Variants in TRRAP observed in about 807,000 individuals in gnomAD.
The protein encoded by TRRAP is transformation/transcription domain associated protein, also known as transformation/transcription domain-associated protein.
In TRRAP, 41 loss-of-function variants were observed where a neutral mutation model predicts 438.8. The ratio of observed to expected loss-of-function variants is 0.09; its 90% CI spans 0.07 to 0.12. The LOEUF is 0.12. TRRAP is among the 10% of genes least tolerant of loss of function. The pLI, the probability that TRRAP is intolerant of heterozygous loss-of-function variation, is 1.00. For synonymous variants in TRRAP, 1,994 were observed against 1,962.9 expected (o/e 1.02, Z -0.42); for missense variants, 3,122 against 5,055.1 (o/e 0.62, Z 11.60).
At position 98,967,101 on chromosome 7, in the gene TRRAP, C is replaced by G; in HGVS notation, c.7237C>G (p.Arg2413Gly). The stretch of plus-strand genomic sequence containing the variant: ...GAAGATGATGACTTACATAGAAAAA[C>G]GCTTTCCGGAAGACCTTGAATTAAA... Reference protein sequence around the residue: ...LVKMMTYIEKRFPEDLELNAQ... With the variant: ...LVKMMTYIEKGFPEDLELNAQ... The change falls in exon 50 of 73, where the codon CGC becomes GGC. Residue 2413 changes from arginine (R) to glycine (G), a missense_variant. Coordinates refer to ENST00000456197, the MANE Select transcript of TRRAP (RefSeq NM_001375524.1). The G allele has an allele frequency of 6.2e-7, 1 of 1,614,006 alleles. No individual in the cohort carries two copies. The highest frequency in any genetic ancestry group is 8.5e-7 in the Non-Finnish European group (1 of 1,179,918).
intron 31 of TRRAP, 142 bp from the exon 32 acceptor site, chr7:98,945,605 T>C: frequency 1.1e-6 from 1 of 904,264 alleles, no homozygotes; most frequent in Non-Finnish European, 1.6e-6. Flanking sequence ...GTTGAGCATT[T>C]GTTAATTACT....
chr7:98,917,710 G>A, intron 20 of TRRAP, 31 bp downstream of exon 20: 1 of 1,604,182 alleles, frequency 6.2e-7, no homozygotes, highest in South Asian at 1.1e-5. Context: ...TTAGCTGGCT[G>A]CTTCCCTGGA....
intron 53 of TRRAP, among the ~76,000 whole-genome samples, chr7:98,975,272 T>G (rs1276039025): frequency 2.0e-5 from 3 of 152,230 alleles, no homozygotes; most frequent in African/African-American, 7.2e-5. Context: ...TGCCCATGGT[T>G]TCCCCCTTGG....
At position 98,978,388 on chromosome 7, in the gene TRRAP, AC is replaced by A. The variant is rs1403880764; in HGVS notation, c.8498+67del. The stretch of plus-strand genomic sequence containing the variant: ...TAAGGGAACCAGGGAAAAATCTCTG[AC>A]CTTTTCTTGTAATGAGCGTTTTTTA... On this transcript the variant is annotated intron_variant, in intron 57 of 72. Transcript: ENST00000456197. The A allele has an allele frequency of 1.7e-5, 25 of 1,433,728 alleles. No homozygotes were observed. The Admixed American group carries it at 2.2e-4, about 12-fold the overall frequency. The allele number at this position is 1,433,728 out of a possible 1,614,324, so 88.8% of individuals were successfully genotyped here.
At chr7:98,922,119 C>T (rs1332527799) in intron 21 of TRRAP, among the ~76,000 whole-genome samples, 166 bp downstream of exon 21, 1 of 152,128 alleles carries the variant, frequency 6.6e-6, no homozygotes, top group East Asian at 1.9e-4. Flanking sequence ...TGCCAGGAGA[C>T]CAGTGGAGGG....
At position 99,011,812 on chromosome 7, in the gene TRRAP, A is replaced by G. The variant is rs190341882; in HGVS notation, c.11338-259A>G. Among the ~76,000 whole-genome samples the G allele has an allele frequency of 1.4e-4, 21 of 152,364 alleles. No individual in the cohort carries two copies. The highest frequency in any genetic ancestry group is 2.8e-4 in the Non-Finnish European group (19 of 68,044). On this transcript the variant is annotated intron_variant, in intron 72 of 72. Coordinates refer to ENST00000456197, the MANE Select transcript of TRRAP (RefSeq NM_001375524.1). The surrounding 1 kb of genome is among the most constrained non-coding windows in gnomAD (Gnocchi z 7.1). ...AAACAGATTGGGCCTCAGTCGCAGC[A>G]TGGCTGCCTTTGTCATCTAGGTCCG...
rs904892331 is a variant in TRRAP at position 98,967,625 on chromosome 7, G to A, written c.7439G>A (p.Arg2480His). 7 of 1,613,888 alleles carry A rather than the reference G, an allele frequency of 4.3e-6. No homozygotes were observed. Among genetic ancestry groups the A allele is most frequent in the African/African-American group, 2.7e-5 (2 of 74,872 alleles). Reference protein sequence around the residue: ...DNSMKRRVYERLLYVTCSQNW... With the variant: ...DNSMKRRVYEHLLYVTCSQNW... ...TCCATGAAACGTCGTGTCTACGAGC[G>A]CTTGCTCTATGTGACCTGTTCGCAG... The change falls in exon 51 of 73, where the codon CGC becomes CAC. Residue 2480 changes from arginine to histidine, a missense_variant. Physicochemically the swap from Arg to His is conservative, Grantham distance 29. This residue lies in a region of TRRAP where 992 missense variants were observed against 1,281.2 expected (regional missense o/e 0.77). Coordinates refer to ENST00000456197, the MANE Select transcript of TRRAP (RefSeq NM_001375524.1).
chr7:98,957,066 T>C (rs934964682), intron 43 of TRRAP, among the ~76,000 whole-genome samples: 1 of 152,174 alleles, frequency 6.6e-6, no homozygotes, highest in Non-Finnish European at 1.5e-5. Flanking sequence ...CCCCATCTTA[T>C]GTGGCACCCA....
In TRRAP at chr7:98,908,884, G is replaced by A. The variant is rs782315107; in HGVS notation, c.1272G>A (p.Leu424=). 6.2e-7 allele frequency: 1 copy of A among 1,614,050 alleles called. No individual in the cohort carries two copies. Among genetic ancestry groups the A allele is most frequent in the Non-Finnish European group, 8.5e-7 (1 of 1,179,996 alleles). Residue 424 remains leucine (L), a synonymous_variant, in exon 14 of 73, where the codon CTG becomes CTA. Coordinates refer to ENST00000456197, the MANE Select transcript of TRRAP (RefSeq NM_001375524.1). The surrounding 1 kb of genome is among the most constrained non-coding windows in gnomAD (Gnocchi z 4.1). The part of the protein sequence containing the change: ...SIQTMSCKLL[L]NLVDCIRSKS... ...AGACCATGTCCTGCAAGCTCCTGCT[G>A]AACCTGGTGGACTGCATCCGTTCCA...
rs568825744 is a variant in TRRAP at position 98,919,499 on chromosome 7, G to C, written c.2622+1820G>C. On this transcript the variant is annotated intron_variant, in intron 20 of 72. Transcript: ENST00000456197. ...TGCCTGTAGTCCCAGCTACTCACGA[G>C]TTTGAGGTGGAAGAATCCGTTGAAC... Among the ~76,000 whole-genome samples the C allele has an allele frequency of 1.9e-4, 29 of 152,304 alleles. No homozygotes were observed. The South Asian group carries it at 4.8e-3, about 25-fold the overall frequency.
At chr7:98,893,158 G>A (rs782080354) in intron 5 of TRRAP, among the ~76,000 whole-genome samples, 17 of 152,050 alleles carry the variant, frequency 1.1e-4, no homozygotes, top group Non-Finnish European at 2.2e-4. Context: ...CGCCATGTTG[G>A]TCAGGCTTGT....
rs144193784 is a variant in TRRAP at position 98,974,141 on chromosome 7, C to T, written c.7840-2008C>T. 2.4e-4 allele frequency among the ~76,000 whole-genome samples: 36 copies of T among 152,184 alleles called. No individual in the cohort carries two copies. The Middle Eastern group carries it at 0.01, about 43-fold the overall frequency. On this transcript the variant is annotated intron_variant, in intron 53 of 72. Transcript: ENST00000456197. ...AAAGAAGTGCTAATCCCTCAGGAGGCGAGATGGGTGCCGGGGTAAAGCAGC... is the reference window on the plus strand; with the variant it reads ...AAAGAAGTGCTAATCCCTCAGGAGGTGAGATGGGTGCCGGGGTAAAGCAGC...
At chr7:98,895,560 C>G (rs1796159765) in intron 6 of TRRAP, among the ~76,000 whole-genome samples, 1 of 152,160 alleles carries the variant, frequency 6.6e-6, no homozygotes, top group Non-Finnish European at 1.5e-5. Flanking sequence ...GAATCAGAAA[C>G]TTGTTATCTG....
intron 25 of TRRAP, among the ~76,000 whole-genome samples, chr7:98,931,063 T>C (rs1312943560): frequency 5.9e-5 from 9 of 152,236 alleles, no homozygotes; most frequent in African/African-American, 2.2e-4. Flanking sequence ...CCACAGTGTT[T>C]ACCACAGTGT....
Position 98,983,371 on chromosome 7 carries a change from G to A in TRRAP, c.8934G>A (p.Val2978=), listed in dbSNP as rs1178077133. 1.2e-6 allele frequency: 2 copies of A among 1,614,202 alleles called. No individual in the cohort carries two copies. The highest frequency in any genetic ancestry group is 1.7e-5 in the Admixed American group (1 of 60,028). ...GCCTGCACGACATGAAGACGGTGGT[G>A]AAGACCTGGAGGAACCGACTGCCCA... ...NNSLHDMKTV[V]KTWRNRLPIV... The change falls in exon 60 of 73, where the codon GTG becomes GTA. Residue 2978 remains valine (V), a synonymous_variant. Coordinates refer to ENST00000456197, the MANE Select transcript of TRRAP (RefSeq NM_001375524.1).
Position 98,983,555 on chromosome 7 carries a change from G to T in TRRAP, c.9022+96G>T, listed in dbSNP as rs549715227. On this transcript the variant is annotated intron_variant, in intron 60 of 72. Coordinates refer to ENST00000456197, the MANE Select transcript of TRRAP (RefSeq NM_001375524.1). ...CTGTGTTTTGGTTTGGTTTGGTTTG[G>T]TTTTTTTTTCCCCCAGGTTTTCTAT... The T allele has an allele frequency of 3.4e-4, 472 of 1,402,704 alleles. 7 individuals carry two copies. The South Asian group carries it at 5.6e-3, about 17-fold the overall frequency. The allele number at this position is 1,402,704 out of a possible 1,614,324, so 86.9% of individuals were successfully genotyped here. A position where few individuals can be genotyped will look rare whatever the true frequency, so the allele number is the denominator to read the frequency against.
intron 20 of TRRAP, among the ~76,000 whole-genome samples, chr7:98,918,311 A>C (rs180679312): frequency 6.9e-6 from 1 of 145,366 alleles, no homozygotes; most frequent in African/African-American, 2.6e-5. Flanking sequence ...GCTCACTGCA[A>C]CCTCCGCCTC....
rs1554405632 is a variant in TRRAP, at chr7:98,895,760, T to G, written c.451-4T>G. The G allele has an allele frequency of 1.9e-6, 3 of 1,601,352 alleles. No individual in the cohort carries two copies. Among genetic ancestry groups the G allele is most frequent in the African/African-American group, 1.3e-5 (1 of 74,588 alleles). On this transcript the variant is annotated splice_polypyrimidine_tract_variant and splice_region_variant and intron_variant, in intron 6 of 72. Coordinates refer to ENST00000456197, the MANE Select transcript of TRRAP (RefSeq NM_001375524.1). Reference sequence around the variant, plus strand: ...CCTATAACGAAAGTGTCTGCTTTTTTTAGATTCATCATTTTCTGGATTTTG... The same window carrying G: ...CCTATAACGAAAGTGTCTGCTTTTTGTAGATTCATCATTTTCTGGATTTTG...
chr7:98,970,510 A>G (rs973412156), intron 52 of TRRAP, among the ~76,000 whole-genome samples: 2 of 152,106 alleles, frequency 1.3e-5, no homozygotes, highest in Admixed American at 6.5e-5. Context: ...AAGTTTTTGT[A>G]TCAGCTTTAG....
Sources: allele counts gnomAD v4.1 joint callset (sites outside exome capture counted in the v4.1 genomes callset), GRCh38; gene constraint gnomAD v4.1.1; regional missense constraint gnomAD v4.1.1; non-coding constraint Gnocchi (gnomAD v3.1); transcripts MANE v1.5; gene names NCBI Gene and HGNC (gene_info 2026-07-23, HGNC 2026-07-21).